MAP3K3: variants seen among roughly 807,000 people sequenced by gnomAD.
MAP3K3 encodes the protein MAP/ERK kinase kinase 3.
MAP3K3 carries 12 observed loss-of-function variants against 80.9 expected under a neutral mutation model. That is an observed-to-expected ratio of 0.15 (90% CI 0.10 to 0.24). The LOEUF (loss-of-function observed/expected upper bound fraction) is 0.24. Ranked by LOEUF, MAP3K3 falls within the 10% of genes least tolerant of loss-of-function variation. The pLI, the probability that MAP3K3 is intolerant of heterozygous loss-of-function variation, is 1.00. For missense variants in MAP3K3, 596 were observed against 834.7 expected, an observed-to-expected ratio of 0.71 and a Z score of 3.52; for synonymous variants, 272 against 307.1, an observed-to-expected ratio of 0.89 and a Z score of 1.19.
chr17:63,657,395 A>G (rs956023554), intron 4 of MAP3K3, among the ~76,000 whole-genome samples: 1 of 152,176 alleles, frequency 6.6e-6, no homozygotes, highest in Non-Finnish European at 1.5e-5. Flanking sequence ...TGAATTGAAT[A>G]TGTATGAATT....
chr17:63,690,151 T>A, intron 11 of MAP3K3, 113 bp from the exon 12 acceptor site: 2 of 1,217,784 alleles, frequency 1.6e-6, no homozygotes, highest in Non-Finnish European at 2.3e-6. Context: ...TACTAAGAGA[T>A]GATGGGTGCT....
intron 6 of MAP3K3, among the ~76,000 whole-genome samples, 174 bp downstream of exon 6, chr17:63,667,234 G>A (rs1698728958): frequency 6.6e-6 from 1 of 152,170 alleles, no homozygotes; most frequent in South Asian, 2.1e-4. Context: ...AAATAACTGG[G>A]ATGGTATCCT....
At chr17:63,654,833 C>T (rs557776313) in intron 4 of MAP3K3, among the ~76,000 whole-genome samples, 3 of 152,158 alleles carry the variant, frequency 2.0e-5, no homozygotes, top group African/African-American at 7.2e-5. Flanking sequence ...GTCAGGAGTT[C>T]GAGACCAGCC....
At chr17:63,666,096 C>T (rs1173442058) in intron 5 of MAP3K3, among the ~76,000 whole-genome samples, 1 of 152,112 alleles carries the variant, frequency 6.6e-6, no homozygotes, top group African/African-American at 2.4e-5. Flanking sequence ...TGCAAAGGCC[C>T]CCCTTTGTTG....
Position 63,653,235 on chromosome 17 carries a change from G to A in MAP3K3, c.267+579G>A, listed in dbSNP as rs140787640. Among the ~76,000 whole-genome samples, 359 of 152,330 alleles carry A rather than the reference G, an allele frequency of 2.4e-3. 1 individual carries two copies. Among genetic ancestry groups the A allele is most frequent in the South Asian group, 0.013 (64 of 4,832 alleles). Reference sequence around the variant, plus strand: ...CACCCAGGAAGGAATTCTTTTGAATGTCAGTTTCTGGGCTGCTTTCCCAGC... The same window carrying A: ...CACCCAGGAAGGAATTCTTTTGAATATCAGTTTCTGGGCTGCTTTCCCAGC... On this transcript the variant is annotated intron_variant, in intron 4 of 15. Transcript: ENST00000361733.
At chr17:63,633,809 T>A in intron 2 of MAP3K3, among the ~76,000 whole-genome samples, 1 of 152,180 alleles carries the variant, frequency 6.6e-6, no homozygotes. Flanking sequence ...TTGATGAAAA[T>A]TTGTGTATGA....
intron 1 of MAP3K3, among the ~76,000 whole-genome samples, chr17:63,629,872 G>A (rs1467104563): frequency 6.6e-6 from 1 of 152,172 alleles, no homozygotes; most frequent in East Asian, 1.9e-4. Flanking sequence ...AACAGAATTT[G>A]TCAACCTGAT....
rs1395206858 is a variant in MAP3K3, at chr17:63,696,075, ACT to A, written c.*2301_*2302del. 1 of 152,144 alleles carries A rather than the reference ACT, an allele frequency of 6.6e-6. No homozygotes were observed. The highest frequency in any genetic ancestry group is 1.5e-5 in the Non-Finnish European group (1 of 67,994). The allele number at this position is 152,144 out of a possible 1,614,324, so 9.4% of individuals were successfully genotyped here. A position where few individuals can be genotyped will look rare whatever the true frequency, so the allele number is the denominator to read the frequency against. ...CCATGGGGTGTGTCTGCCTGGGCCA[ACT>A]CTGCATGGAGAGGCCAGGGCTGGGG... On this transcript the variant is annotated 3_prime_UTR_variant, in exon 16 of 16. Transcript: ENST00000361733.
Position 63,689,110 on chromosome 17 carries a change from G to A in MAP3K3, c.871+229G>A. The A allele has an allele frequency of 1.7e-6, 1 of 587,950 alleles. No individual in the cohort carries two copies. Among genetic ancestry groups the A allele is most frequent in the Non-Finnish European group, 3.0e-6 (1 of 331,162 alleles). 36.4% of individuals were successfully genotyped at this position (587,950 alleles called of 1,614,324 possible). A position where few individuals can be genotyped will look rare whatever the true frequency, so the allele number is the denominator to read the frequency against. On this transcript the variant is annotated intron_variant, in intron 10 of 15. Transcript: ENST00000361733. The surrounding 1 kb of genome is among the most constrained non-coding windows in gnomAD (Gnocchi z 4.3). Reference sequence around the variant, plus strand: ...ACTCTGACCTTGTTTGAAGCCAGTGGTGTGCTCCAGGGGCACCATCTCTCC... The same window carrying A: ...ACTCTGACCTTGTTTGAAGCCAGTGATGTGCTCCAGGGGCACCATCTCTCC...
chr17:63,669,146 G>A (rs945143248), intron 6 of MAP3K3, among the ~76,000 whole-genome samples: 1 of 152,182 alleles, frequency 6.6e-6, no homozygotes, highest in Non-Finnish European at 1.5e-5. Context: ...CCAAGAAATG[G>A]GAGAGATGAT....
Position 63,685,575 on chromosome 17 carries a change from A to T in MAP3K3, c.695A>T (p.Asp232Val). Reference protein sequence around the residue: ...NSLSGSCQSLDRSADSPSFRK... With the variant: ...NSLSGSCQSLVRSADSPSFRK... ...TTGTCTGGAAGCTGCCAATCCTTGG[A>T]CAGGTCAGCAGACAGGTATGGGACT... The change falls in exon 8 of 16, where the codon GAC (aspartate) becomes GTC (valine). Residue 232 changes from aspartate to valine, a missense_variant. Asp to Val is a radical substitution (Grantham distance 152). Transcript: ENST00000361733. 1 of 1,614,114 alleles carries T rather than the reference A, an allele frequency of 6.2e-7. No homozygotes were observed. The highest frequency in any genetic ancestry group is 8.5e-7 in the Non-Finnish European group (1 of 1,179,960).
Position 63,692,737 on chromosome 17 carries a change from TCTC to T in MAP3K3, c.1652+321_1652+323del, listed in dbSNP as rs1241139981. ...TCAACAGGAGCAGGCTTCTGTCCCT[TCTC>T]CTAGCACTCAAGACAGTTTGCACTT... On this transcript the variant is annotated intron_variant, in intron 15 of 15. Coordinates refer to ENST00000361733, the MANE Select transcript of MAP3K3 (RefSeq NM_002401.5). The surrounding 1 kb of genome is among the most constrained non-coding windows in gnomAD (Gnocchi z 4.5). Among the ~76,000 whole-genome samples, 3 of 152,196 alleles carry T rather than the reference TCTC, an allele frequency of 2.0e-5. No individual in the cohort carries two copies. Among genetic ancestry groups the T allele is most frequent in the African/African-American group, 7.2e-5 (3 of 41,448 alleles).
At chr17:63,664,675 T>G (rs2034965089) in intron 5 of MAP3K3, among the ~76,000 whole-genome samples, 2 of 152,194 alleles carry the variant, frequency 1.3e-5, no homozygotes, top group African/African-American at 4.8e-5. Flanking sequence ...CCAGAGTCCT[T>G]TAGTGAGGTG....
At position 63,693,955 on chromosome 17, in the gene MAP3K3, C is replaced by CAG; in HGVS notation, c.*179_*180dup. 1.8e-6 allele frequency: 1 copy of CAG among 560,414 alleles called. No individual in the cohort carries two copies. The highest frequency in any genetic ancestry group is 3.1e-6 in the Non-Finnish European group (1 of 324,132). 34.7% of individuals were successfully genotyped at this position (560,414 alleles called of 1,614,324 possible). A position where few individuals can be genotyped will look rare whatever the true frequency, so the allele number is the denominator to read the frequency against. ...GCTCAGAGCCGGGGTGGGGTGGCTG[C>CAG]AGCCTCAGGACTGGGAGCCCCCAGC... On this transcript the variant is annotated 3_prime_UTR_variant, in exon 16 of 16. Coordinates refer to ENST00000361733, the MANE Select transcript of MAP3K3 (RefSeq NM_002401.5). The surrounding 1 kb of genome is among the most constrained non-coding windows in gnomAD (Gnocchi z 4.2).
Position 63,678,898 on chromosome 17 carries a change from C to T in MAP3K3, c.503-2868C>T, listed in dbSNP as rs369853997. Reference sequence around the variant, plus strand: ...TATAAGAATTAGCTGGGTATGGTGACGGCCACCTGTAATCCCAGCTATTCA... The same window carrying T: ...TATAAGAATTAGCTGGGTATGGTGATGGCCACCTGTAATCCCAGCTATTCA... On this transcript the variant is annotated intron_variant, in intron 6 of 15. Transcript: ENST00000361733. 1.6e-3 allele frequency among the ~76,000 whole-genome samples: 248 copies of T among 152,148 alleles called. 4 individuals carry two copies. In the South Asian group the frequency reaches 0.029, roughly 18 times the overall value.
intron 4 of MAP3K3, among the ~76,000 whole-genome samples, chr17:63,653,989 C>G (rs1174936734): frequency 2.0e-5 from 3 of 152,200 alleles, no homozygotes; most frequent in Non-Finnish European, 4.4e-5. Context: ...ACCTCAGCCA[C>G]CCAAGTAGCT....
chr17:63,680,779 A>G (rs1306667068), intron 6 of MAP3K3, among the ~76,000 whole-genome samples: 1 of 151,854 alleles, frequency 6.6e-6, no homozygotes, highest in Non-Finnish European at 1.5e-5. Flanking sequence ...GTAAAACATA[A>G]ATAATTGTTT....
At chr17:63,623,128 C>A (rs2034027331) in intron 1 of MAP3K3, among the ~76,000 whole-genome samples, 1 of 152,100 alleles carries the variant, frequency 6.6e-6, no homozygotes, top group African/African-American at 2.4e-5. Context: ...AGTGTGGGGC[C>A]CGGGCTGGAG....
chr17:63,636,758 A>G (rs1374722969), intron 2 of MAP3K3: 8 of 314,864 alleles, frequency 2.5e-5, no homozygotes, highest in Non-Finnish European at 5.1e-5. Flanking sequence ...GTCAGCGACA[A>G]TGAGGAGGAA....
Sources: allele counts gnomAD v4.1 joint callset (sites outside exome capture counted in the v4.1 genomes callset), GRCh38; gene constraint gnomAD v4.1.1; non-coding constraint Gnocchi (gnomAD v3.1); transcripts MANE v1.5; gene names NCBI Gene and HGNC (gene_info 2026-07-23, HGNC 2026-07-21).